The following PDE6A variants were observed in gnomAD, a reference collection of about 807,000 sequenced individuals.
PDE6A encodes the protein rod cGMP-specific 3',5'-cyclic phosphodiesterase subunit alpha.
PDE6A carries 84 observed loss-of-function variants against 106.3 expected under a neutral mutation model. The observed-to-expected ratio is 0.79, with a 90% CI of 0.66 to 0.95. The LOEUF is 0.95. PDE6A is among the 40% of genes least tolerant of loss of function. The probability of loss-of-function intolerance (pLI) is 0.00; values close to 1 mark genes in which losing one functional copy is unlikely to be tolerated. For missense variants in PDE6A, 1,052 were observed against 1,084.9 expected, an observed-to-expected ratio of 0.97 and a Z score of 0.43; for synonymous variants, 394 against 386.6, an observed-to-expected ratio of 1.02 and a Z score of -0.23.
chr5:149,892,923 A>T (rs554815643), intron 13 of PDE6A, among the ~76,000 whole-genome samples: 21 of 152,362 alleles, frequency 1.4e-4, no homozygotes, highest in African/African-American at 5.1e-4. Context: ...AGGTATTCTC[A>T]ATTGATGGCA....
At chr5:149,938,606 C>T (rs568745729) in intron 1 of PDE6A, among the ~76,000 whole-genome samples, 120 of 152,282 alleles carry the variant, frequency 7.9e-4, no homozygotes, top group African/African-American at 2.9e-3. Flanking sequence ...GAATGATATA[C>T]AAGTAAATAT....
intron 9 of PDE6A, among the ~76,000 whole-genome samples, chr5:149,899,159 G>C (rs561881454): frequency 6.6e-6 from 1 of 152,170 alleles, no homozygotes; most frequent in Non-Finnish European, 1.5e-5. Flanking sequence ...GAGCCACCAT[G>C]CTCAGCTTAA....
chr5:149,889,000 G>A (rs1033319748), intron 13 of PDE6A, among the ~76,000 whole-genome samples: 8 of 147,022 alleles, frequency 5.4e-5, no homozygotes, highest in African/African-American at 1.3e-4. Flanking sequence ...GGAGAATGGC[G>A]TGAACCCGGG....
At chr5:149,903,601 A>G (rs1581186729) in intron 8 of PDE6A, 47 bp downstream of exon 8, 2 of 1,450,268 alleles carry the variant, frequency 1.4e-6, no homozygotes, top group African/African-American at 1.4e-5. Context: ...CTCTTTGGGG[A>G]GGAAAAAAAA....
intron 17 of PDE6A, among the ~76,000 whole-genome samples, chr5:149,881,064 G>GA (rs1760903591): frequency 6.6e-6 from 1 of 151,912 alleles, no homozygotes; most frequent in Non-Finnish European, 1.5e-5. Context: ...CACCGTCTCA[G>GA]AAAAAAGAAA....
chr5:149,892,265 A>G (rs186706257), intron 13 of PDE6A, among the ~76,000 whole-genome samples: 1 of 152,238 alleles, frequency 6.6e-6, no homozygotes, highest in African/African-American at 2.4e-5. Context: ...GCATTCAGCT[A>G]TGATCACATC....
intron 13 of PDE6A, among the ~76,000 whole-genome samples, chr5:149,886,737 A>T (rs1314387048): frequency 3.9e-5 from 6 of 152,178 alleles, no homozygotes; most frequent in African/African-American, 2.4e-5. Flanking sequence ...AGGTTTTAGG[A>T]TTTGGAGAGT....
chr5:149,877,535 G>A (rs935787953), intron 17 of PDE6A, among the ~76,000 whole-genome samples: 55 of 152,182 alleles, frequency 3.6e-4, no homozygotes, highest in Admixed American at 3.2e-3. Context: ...TCAGCCTCCC[G>A]AGTAGCTGGG....
At chr5:149,920,303 G>A (rs547064113) in intron 5 of PDE6A, among the ~76,000 whole-genome samples, 3 of 152,184 alleles carry the variant, frequency 2.0e-5, no homozygotes, top group Non-Finnish European at 2.9e-5. Context: ...GGTGGGGGCC[G>A]GGCGCAGTGG....
intron 17 of PDE6A, among the ~76,000 whole-genome samples, chr5:149,869,518 C>T (rs1290122194): frequency 6.6e-6 from 1 of 152,050 alleles, no homozygotes; most frequent in African/African-American, 2.4e-5. Flanking sequence ...GAGGAGGGAG[C>T]AAGGGGGGTG....
chr5:149,934,549 C>T lies in PDE6A; in HGVS notation c.627+17G>A, dbSNP rs374021158. ...ATGTGCTAGCATGGCTATCCTTAGTCTCTAAAGCATTCTTACCTCTTCATC... is the reference window on the plus strand; with the variant it reads ...ATGTGCTAGCATGGCTATCCTTAGTTTCTAAAGCATTCTTACCTCTTCATC... On this transcript the variant is annotated intron_variant, in intron 2 of 21. Coordinates refer to ENST00000255266, the MANE Select transcript of PDE6A (RefSeq NM_000440.3). The T allele has an allele frequency of 6.8e-6, 11 of 1,613,718 alleles. No homozygotes were observed. Among genetic ancestry groups the T allele is most frequent in the Non-Finnish European group, 9.3e-6 (11 of 1,179,590 alleles).
At chr5:149,865,405 T>C (rs998050010) in intron 20 of PDE6A, among the ~76,000 whole-genome samples, 1 of 115,762 alleles carries the variant, frequency 8.6e-6, no homozygotes, top group Admixed American at 8.2e-5. Flanking sequence ...ATGAGACCTG[T>C]CTCAAAGAAA....
At chr5:149,907,902 T>G (rs1409482083) in intron 6 of PDE6A, among the ~76,000 whole-genome samples, 2 of 152,210 alleles carry the variant, frequency 1.3e-5, no homozygotes, top group African/African-American at 4.8e-5. Context: ...AAATGAACAT[T>G]TATAAAACCA....
Position 149,903,728 on chromosome 5 carries a change from G to A in PDE6A, c.1066-33C>T, listed in dbSNP as rs745880543. The A allele has an allele frequency of 2.5e-6, 4 of 1,582,608 alleles. No homozygotes were observed. The South Asian group carries it at 4.4e-5, about 17-fold the overall frequency. The stretch of plus-strand genomic sequence containing the variant: ...CAGTGAAGGGGAATAATGAAGGTGT[G>A]ATTAGGCCTGAGAGGGTGCCCAGTG... On this transcript the variant is annotated intron_variant, in intron 7 of 21. Transcript: ENST00000255266.
At chr5:149,928,534 C>A (rs1009891707) in intron 4 of PDE6A, among the ~76,000 whole-genome samples, 2 of 151,990 alleles carry the variant, frequency 1.3e-5, no homozygotes, top group Non-Finnish European at 2.9e-5. Flanking sequence ...CCGCGCCCGG[C>A]CTGTATGTGC....
chr5:149,895,968 C>T (rs1426018063), intron 12 of PDE6A, among the ~76,000 whole-genome samples: 1 of 152,178 alleles, frequency 6.6e-6, no homozygotes, highest in Non-Finnish European at 1.5e-5. Flanking sequence ...TCTGCCGTCC[C>T]CCATGACCCT....
intron 17 of PDE6A, among the ~76,000 whole-genome samples, chr5:149,882,048 T>G (rs1760946977): frequency 7.8e-6 from 1 of 127,990 alleles, no homozygotes; most frequent in Admixed American, 7.4e-5. Flanking sequence ...AGACCCTGTC[T>G]CAAAAATAAA....
Position 149,944,431 on chromosome 5 carries a change from G to A in PDE6A, c.243C>T (p.Val81=). The change falls in exon 1 of 22, where the codon GTC becomes GTT. Residue 81 remains valine, a synonymous_variant. Transcript: ENST00000255266. Reference sequence around the variant, plus strand: ...GCAGGAGGAAGCACAGCTTCTTCATGACATTGAAGATGCATTTCTCTGTCT... The same window carrying A: ...GCAGGAGGAAGCACAGCTTCTTCATAACATTGAAGATGCATTTCTCTGTCT... ...NLQTEKCIFN[V]MKKLCFLLQA... 2 of 1,614,018 alleles carry A rather than the reference G, an allele frequency of 1.2e-6. No homozygotes were observed. The highest frequency in any genetic ancestry group is 1.7e-6 in the Non-Finnish European group (2 of 1,179,898).
intron 19 of PDE6A, 41 bp downstream of exon 19, chr5:149,867,682 GCA>G (rs1561678979): frequency 6.5e-7 from 1 of 1,545,132 alleles, no homozygotes; most frequent in Admixed American, 1.7e-5. Context: ...TCAGGATGGA[GCA>G]CACACACCTA....
Sources: gnomAD v4.1 joint callset for allele counts (sites outside exome capture counted in the v4.1 genomes callset) on GRCh38, gnomAD v4.1.1 for gene constraint, MANE v1.5 for transcripts, NCBI Gene and HGNC (gene_info 2026-07-23, HGNC 2026-07-21) for gene names.